The following TAFA1 variants were observed in gnomAD, a reference collection of about 807,000 sequenced individuals.
The protein encoded by TAFA1 is TAFA chemokine like family member 1, also known as chemokine-like protein TAFA-1.
TAFA1 carries 4 observed loss-of-function variants against 18.5 expected under a neutral mutation model. The observed-to-expected ratio is 0.22, with a 90% CI of 0.11 to 0.49. The LOEUF (loss-of-function observed/expected upper bound fraction) is 0.49. Among genes scored for constraint, TAFA1 ranks in the 20% least tolerant of loss-of-function variants. The probability of loss-of-function intolerance (pLI) is 0.98; values close to 1 mark genes in which losing one functional copy is unlikely to be tolerated. For missense variants in TAFA1, 147 were observed against 169.0 expected, an observed-to-expected ratio of 0.87 and a Z score of 0.72; for synonymous variants, 56 against 55.2, an observed-to-expected ratio of 1.01 and a Z score of -0.06.
At chr3:68,165,787 T>C (rs2106947862) in intron 2 of TAFA1, among the ~76,000 whole-genome samples, 1 of 152,314 alleles carries the variant, frequency 6.6e-6, no homozygotes. Flanking sequence ...AGATGGACAA[T>C]ACATGAGTAA....
intron 2 of TAFA1, among the ~76,000 whole-genome samples, chr3:68,280,902 C>T (rs1027238): frequency 0.77 from 116,480 of 152,056 alleles, 45,748 homozygotes; most frequent in African/African-American, 0.94. Context: ...TAGTCTTATC[C>T]TCTCTGACAC....
At chr3:68,034,941 C>A (rs752616765) in intron 2 of TAFA1, among the ~76,000 whole-genome samples, 1 of 152,162 alleles carries the variant, frequency 6.6e-6, no homozygotes, top group African/African-American at 2.4e-5. Flanking sequence ...AGTTGGGTGG[C>A]ATCTTAGGGC....
intron 2 of TAFA1, among the ~76,000 whole-genome samples, chr3:68,254,172 T>TCTACCTATCTAC (rs1553659963): frequency 2.0e-5 from 3 of 148,976 alleles, no homozygotes; most frequent in Non-Finnish European, 4.5e-5. Context: ...TATCTATCTA[T>TCTACCTATCTAC]CTATCTATCT....
At chr3:68,065,852 G>A (rs1050947194) in intron 2 of TAFA1, among the ~76,000 whole-genome samples, 2 of 151,128 alleles carry the variant, frequency 1.3e-5, no homozygotes, top group African/African-American at 4.9e-5. Context: ...CAACCCAAAT[G>A]TTCATTGACA....
intron 2 of TAFA1, among the ~76,000 whole-genome samples, chr3:68,088,784 T>C (rs1352463052): frequency 2.6e-5 from 4 of 152,166 alleles, no homozygotes; most frequent in African/African-American, 9.7e-5. Context: ...GAATACACTG[T>C]AGAAAGTCAA....
At chr3:68,480,716 G>A (rs997957200) in intron 3 of TAFA1, among the ~76,000 whole-genome samples, 1 of 152,170 alleles carries the variant, frequency 6.6e-6, no homozygotes, top group Non-Finnish European at 1.5e-5. Context: ...AGCAAATAAT[G>A]AAAGCGTAAG....
chr3:68,256,227 C>T (rs1299826537), intron 2 of TAFA1, among the ~76,000 whole-genome samples: 3 of 152,132 alleles, frequency 2.0e-5, no homozygotes, highest in Admixed American at 1.3e-4. Context: ...TGCCTACTTA[C>T]TGAGGAGTTT....
At chr3:68,155,664 G>GA (rs974259562) in intron 2 of TAFA1, among the ~76,000 whole-genome samples, 2 of 152,062 alleles carry the variant, frequency 1.3e-5, no homozygotes, top group Non-Finnish European at 2.9e-5. Context: ...CCACAAGTTG[G>GA]AAATTAACAA....
chr3:68,364,964 C>T (rs1294915350), intron 2 of TAFA1, among the ~76,000 whole-genome samples: 2 of 152,112 alleles, frequency 1.3e-5, no homozygotes, highest in Non-Finnish European at 2.9e-5. Flanking sequence ...GCAGAATCTC[C>T]ACTGCATCCT....
Position 68,280,142 on chromosome 3 carries a change from A to C in TAFA1, c.119-137138A>C, listed in dbSNP as rs188853137. ...ATTAAGATTCTGAAAGAAGCACTTG[A>C]GAAAACAGGATAATGGAGAAGAAAA... On this transcript the variant is annotated intron_variant, in intron 2 of 4. Coordinates refer to ENST00000478136, the MANE Select transcript of TAFA1 (RefSeq NM_213609.4). Among the ~76,000 whole-genome samples, 242 of 152,298 alleles carry C rather than the reference A, an allele frequency of 1.6e-3. 1 individual carries two copies. Among genetic ancestry groups the C allele is most frequent in the African/African-American group, 5.6e-3 (233 of 41,576 alleles).
intron 2 of TAFA1, among the ~76,000 whole-genome samples, chr3:68,098,339 C>T (rs913553535): frequency 6.6e-6 from 1 of 152,050 alleles, no homozygotes; most frequent in Admixed American, 6.6e-5. Flanking sequence ...TTATGCTGTG[C>T]CACTTCTGTC....
intron 2 of TAFA1, among the ~76,000 whole-genome samples, chr3:68,396,949 T>C (rs952424182): frequency 2.6e-5 from 4 of 152,144 alleles, no homozygotes; most frequent in Admixed American, 1.3e-4. Context: ...CTTGCTCTCA[T>C]CCTCAATGGC....
At chr3:68,054,243 T>C (rs189916977) in intron 2 of TAFA1, among the ~76,000 whole-genome samples, 4 of 152,022 alleles carry the variant, frequency 2.6e-5, no homozygotes, top group African/African-American at 4.8e-5. Flanking sequence ...TGTGAGTAGA[T>C]GAATGTCTTC....
chr3:68,453,010 A>T (rs931438868), intron 3 of TAFA1, among the ~76,000 whole-genome samples: 1 of 152,206 alleles, frequency 6.6e-6, no homozygotes, highest in East Asian at 1.9e-4. Flanking sequence ...AATTCATTTG[A>T]AACACTACAG....
At chr3:68,115,687 G>A (rs946007323) in intron 2 of TAFA1, among the ~76,000 whole-genome samples, 5 of 152,150 alleles carry the variant, frequency 3.3e-5, no homozygotes, top group Non-Finnish European at 5.9e-5. Context: ...TTTGCAGACC[G>A]GTCAGCAGAA....
intron 2 of TAFA1, among the ~76,000 whole-genome samples, chr3:68,327,103 T>C (rs1445335470): frequency 3.3e-5 from 5 of 152,184 alleles, no homozygotes; most frequent in Non-Finnish European, 7.4e-5. Context: ...GGAGTTCCCC[T>C]GCACAAACTC....
At chr3:68,474,371 G>C (rs2072053253) in intron 3 of TAFA1, among the ~76,000 whole-genome samples, 1 of 152,176 alleles carries the variant, frequency 6.6e-6, no homozygotes, top group African/African-American at 2.4e-5. Context: ...AGAATCTGAA[G>C]CTTTGCCTGG....
At chr3:68,143,870 C>T (rs2065701546) in intron 2 of TAFA1, among the ~76,000 whole-genome samples, 1 of 152,180 alleles carries the variant, frequency 6.6e-6, no homozygotes, top group Admixed American at 6.5e-5. Flanking sequence ...GTACTTTTAC[C>T]CATAACCTAG....
intron 2 of TAFA1, among the ~76,000 whole-genome samples, chr3:68,298,372 G>A (rs1310727709): frequency 6.6e-6 from 1 of 152,202 alleles, no homozygotes; most frequent in African/African-American, 2.4e-5. Context: ...GTGTCATGCT[G>A]AGAAGCCATT....
Sources: allele counts gnomAD v4.1 joint callset (sites outside exome capture counted in the v4.1 genomes callset), GRCh38; gene constraint gnomAD v4.1.1; transcripts MANE v1.5; gene names NCBI Gene and HGNC (gene_info 2026-07-23, HGNC 2026-07-21).